SOX5: variants seen among roughly 807,000 people sequenced by gnomAD.
SOX5 encodes the protein SRY-box transcription factor 5, also known as transcription factor SOX-5.
Under a neutral mutation model 92.0 loss-of-function variants are expected in SOX5, and 9 were observed. The ratio of observed to expected loss-of-function variants is 0.10; its 90% CI spans 0.06 to 0.17. The LOEUF (loss-of-function observed/expected upper bound fraction) is 0.17. SOX5 is among the 10% of genes least tolerant of loss of function. SOX5 has a pLI of 1.00. For synonymous variants in SOX5, 344 were observed against 336.3 expected, an observed-to-expected ratio of 1.02 and a Z score of -0.25; for missense variants, 642 against 944.5, an observed-to-expected ratio of 0.68 and a Z score of 4.20.
At chr12:23,601,121 G>A (rs970918819) in intron 9 of SOX5, among the ~76,000 whole-genome samples, 1 of 151,892 alleles carries the variant, frequency 6.6e-6, no homozygotes, top group Non-Finnish European at 1.5e-5. Flanking sequence ...TCTCTCTCGC[G>A]CACACACTCC....
intron 1 of SOX5, among the ~76,000 whole-genome samples, chr12:24,506,657 C>G (rs912443106): frequency 6.6e-6 from 1 of 151,968 alleles, no homozygotes; most frequent in Non-Finnish European, 1.5e-5. Context: ...TGGCATCCTA[C>G]TGATAAAATC....
At position 23,974,595 on chromosome 12, in the gene SOX5, G is replaced by A. The variant is rs112091649; in HGVS notation, c.-1-78571C>T. ...CTAGATTAGTATCTTCCTTCAAACAGTTAGGTGCATTCTTCAGTTCTCTGA... is the reference window on the plus strand; with the variant it reads ...CTAGATTAGTATCTTCCTTCAAACAATTAGGTGCATTCTTCAGTTCTCTGA... On this transcript the variant is annotated intron_variant, in intron 4 of 4. Coordinates refer to the SOX5 transcript ENST00000446891. Among the ~76,000 whole-genome samples the A allele has an allele frequency of 4.8e-3, 734 of 152,266 alleles. 6 individuals are homozygous for A. Among genetic ancestry groups the A allele is most frequent in the African/African-American group, 0.016 (676 of 41,554 alleles).
chr12:24,350,756 GA>G lies in SOX5; in HGVS notation c.-174+17806del, dbSNP rs57848502. 1.3e-3 allele frequency among the ~76,000 whole-genome samples: 194 copies of G among 152,204 alleles called. 1 individual carries two copies. The highest frequency in any genetic ancestry group is 1.7e-3 in the Non-Finnish European group (115 of 68,012). On this transcript the variant is annotated intron_variant, in intron 2 of 4. Coordinates refer to the SOX5 transcript ENST00000446891. ...ATTAAATGACCATATCTAGGACATA[GA>G]ACACACTAAATAAGGCTAGGTGCAG...
At chr12:24,103,814 C>T (rs947676591) in intron 4 of SOX5, among the ~76,000 whole-genome samples, 1 of 152,030 alleles carries the variant, frequency 6.6e-6, no homozygotes, top group African/African-American at 2.4e-5. Context: ...GGAGTACATG[C>T]AAGATGGAAT....
At chr12:23,553,472 T>TA (rs1276312005) in intron 11 of SOX5, among the ~76,000 whole-genome samples, 2 of 151,842 alleles carry the variant, frequency 1.3e-5, no homozygotes, top group Non-Finnish European at 2.9e-5. Flanking sequence ...ACTATCACAG[T>TA]AAAATATGGG....
At chr12:23,762,320 G>A (rs889512219) in intron 3 of SOX5, among the ~76,000 whole-genome samples, 2 of 152,026 alleles carry the variant, frequency 1.3e-5, no homozygotes, top group African/African-American at 4.8e-5. Flanking sequence ...ACTGCTTCAG[G>A]CCAAGAGCTT....
chr12:23,723,017 C>G (rs1170685041), intron 6 of SOX5, among the ~76,000 whole-genome samples: 13 of 152,146 alleles, frequency 8.5e-5, no homozygotes, highest in Admixed American at 7.9e-4. Flanking sequence ...CAGCAGGCAA[C>G]AGAAAAATTT....
intron 3 of SOX5, among the ~76,000 whole-genome samples, chr12:24,255,444 CTA>C (rs1459957153): frequency 1.3e-5 from 2 of 152,146 alleles, no homozygotes; most frequent in Non-Finnish European, 2.9e-5. Flanking sequence ...AAGTACTACT[CTA>C]TGGCTGTATA....
intron 4 of SOX5, among the ~76,000 whole-genome samples, chr12:24,034,271 A>T (rs927466887): frequency 6.6e-6 from 1 of 151,926 alleles, no homozygotes; most frequent in Admixed American, 6.6e-5. Flanking sequence ...AACACAATAC[A>T]CTTGGAAACA....
At chr12:23,756,133 T>C (rs2094364676) in intron 3 of SOX5, among the ~76,000 whole-genome samples, 1 of 151,746 alleles carries the variant, frequency 6.6e-6, no homozygotes, top group African/African-American at 2.4e-5. Flanking sequence ...TACATGTAAT[T>C]ATATCCCTCT....
At chr12:23,769,237 A>T (rs1407245791) in intron 3 of SOX5, among the ~76,000 whole-genome samples, 2 of 152,274 alleles carry the variant, frequency 1.3e-5, no homozygotes, top group East Asian at 3.9e-4. Context: ...TAGCACCTTT[A>T]AAAAGTACCT....
chr12:24,448,491 T>C (rs1297178284), intron 1 of SOX5, among the ~76,000 whole-genome samples: 1 of 152,148 alleles, frequency 6.6e-6, no homozygotes, highest in Non-Finnish European at 1.5e-5. Context: ...AGGAAAGATA[T>C]TACCCACGGT....
intron 1 of SOX5, among the ~76,000 whole-genome samples, chr12:24,531,641 C>T (rs1465650890): frequency 1.3e-5 from 2 of 152,102 alleles, no homozygotes; most frequent in Admixed American, 6.5e-5. Flanking sequence ...ACTTTTAGAG[C>T]CCCTGTTTTG....
intron 1 of SOX5, among the ~76,000 whole-genome samples, chr12:24,515,306 G>A (rs551540641): frequency 8.5e-5 from 13 of 152,178 alleles, no homozygotes; most frequent in Admixed American, 8.5e-4. Context: ...TGGGTTTGTT[G>A]GGTTACTATG....
At chr12:24,548,462 A>G (rs148424128) in intron 1 of SOX5, among the ~76,000 whole-genome samples, 1 of 152,362 alleles carries the variant, frequency 6.6e-6, no homozygotes, top group African/African-American at 2.4e-5. Context: ...GTACAAAAGG[A>G]AGACATAAAG....
At chr12:23,835,161 G>A (rs2096392314) in intron 3 of SOX5, among the ~76,000 whole-genome samples, 1 of 151,682 alleles carries the variant, frequency 6.6e-6, no homozygotes, top group African/African-American at 2.4e-5. Flanking sequence ...TTACTTATTG[G>A]CAAAATTAAG....
At chr12:23,826,989 T>C (rs2096245052) in intron 3 of SOX5, among the ~76,000 whole-genome samples, 1 of 152,238 alleles carries the variant, frequency 6.6e-6, no homozygotes, top group Non-Finnish European at 1.5e-5. Flanking sequence ...TCAATTATTG[T>C]GTGCTTCTGC....
chr12:23,906,696 G>C (rs905204356), intron 1 of SOX5, among the ~76,000 whole-genome samples: 2 of 152,178 alleles, frequency 1.3e-5, no homozygotes, highest in Non-Finnish European at 2.9e-5. Flanking sequence ...TTCCGATATA[G>C]GCTGTAAAAA....
chr12:24,002,630 C>T (rs1163437754), intron 4 of SOX5, among the ~76,000 whole-genome samples: 4 of 138,196 alleles, frequency 2.9e-5, no homozygotes, highest in Non-Finnish European at 6.2e-5. Context: ...AACCTGCTGG[C>T]ATTTTTATAG....
Sources: allele counts gnomAD v4.1 joint callset (sites outside exome capture counted in the v4.1 genomes callset), GRCh38; gene constraint gnomAD v4.1.1; transcripts MANE v1.5; gene names NCBI Gene and HGNC (gene_info 2026-07-23, HGNC 2026-07-21).